The following KIN variants were observed in gnomAD, a reference collection of about 807,000 sequenced individuals.
KIN encodes the protein Kin17 DNA and RNA binding protein.
A neutral mutation model predicts 63.0 loss-of-function variants in KIN; 47 were observed. The ratio of observed to expected loss-of-function variants is 0.75; its 90% CI spans 0.59 to 0.95. KIN has a LOEUF of 0.95. KIN is among the 40% of genes least tolerant of loss of function. The pLI is 0.00. For missense variants in KIN, 408 were observed against 460.9 expected (o/e 0.89, Z 1.05); for synonymous variants, 160 against 157.7 (o/e 1.01, Z -0.11).
chr10:7,779,953 A>G, intron 4 of KIN, 103 bp downstream of exon 4: 2 of 1,265,816 alleles, frequency 1.6e-6, no homozygotes, highest in Non-Finnish European at 2.2e-6. Flanking sequence ...ATGAAAAAGC[A>G]AAACACTGAC....
At chr10:7,780,715 A>G (rs1022749931) in intron 2 of KIN, among the ~76,000 whole-genome samples, 2 of 152,180 alleles carry the variant, frequency 1.3e-5, no homozygotes, top group African/African-American at 4.8e-5. Context: ...GTATAGTTTT[A>G]ATGTCCAAAT....
intron 7 of KIN, among the ~76,000 whole-genome samples, chr10:7,771,991 G>C (rs1486379050): frequency 6.6e-6 from 1 of 151,764 alleles, no homozygotes; most frequent in African/African-American, 2.4e-5. Flanking sequence ...ATGATCAGAA[G>C]AGCCCAGCAA....
intron 2 of KIN, among the ~76,000 whole-genome samples, chr10:7,782,463 A>G (rs1323583866): frequency 2.6e-5 from 4 of 151,426 alleles, no homozygotes; most frequent in Non-Finnish European, 5.9e-5. Context: ...CAATGGTGCA[A>G]TCTCGGCTCA....
In KIN at chr10:7,769,205, A is replaced by G. The variant is rs554789079; in HGVS notation, c.798+11T>C. Reference sequence around the variant, plus strand: ...GTTCTAAGGTGTCCACACGCAATCCATAAACTGTACCTCCATGATTTCATC... The same window carrying G: ...GTTCTAAGGTGTCCACACGCAATCCGTAAACTGTACCTCCATGATTTCATC... On this transcript the variant is annotated intron_variant, in intron 8 of 12. Coordinates refer to ENST00000379562, the MANE Select transcript of KIN (RefSeq NM_012311.4). 1.9e-6 allele frequency: 3 copies of G among 1,605,700 alleles called. No individual in the cohort carries two copies. Among genetic ancestry groups the G allele is most frequent in the Admixed American group, 1.7e-5 (1 of 58,178 alleles).
chr10:7,769,226 T>C lies in KIN; in HGVS notation c.788A>G (p.Glu263Gly). The C allele has an allele frequency of 6.2e-7, 1 of 1,611,322 alleles. No homozygotes were observed. Among genetic ancestry groups the C allele is most frequent in the Non-Finnish European group, 8.5e-7 (1 of 1,179,334 alleles). Residue 263 changes from glutamate (E) to glycine (G), a missense_variant, in exon 8 of 13, where the codon GAA becomes GGA. Physicochemically the swap from Glu to Gly is moderately conservative, Grantham distance 98 (BLOSUM62 -2). Coordinates refer to ENST00000379562, the MANE Select transcript of KIN (RefSeq NM_012311.4). ...EKKKKKSALD[E>G]IMEIEEEKKR... ...ATCCATAAACTGTACCTCCATGATT[T>C]CATCCAGTGCAGATTTCTTTTTCTT...
intron 4 of KIN, 113 bp downstream of exon 4, chr10:7,779,943 A>G (rs1468689702): frequency 6.8e-6 from 7 of 1,024,770 alleles, no homozygotes; most frequent in Non-Finnish European, 7.2e-6. Context: ...AACTAACACG[A>G]TGAAAAAGCA....
At position 7,775,000 on chromosome 10, in the gene KIN, A is replaced by G; in HGVS notation, c.608-109T>C. The G allele has an allele frequency of 3.8e-6, 3 of 779,434 alleles. No individual in the cohort carries two copies. The South Asian group carries it at 4.6e-5, about 12-fold the overall frequency. The allele number at this position is 779,434 out of a possible 1,614,324, so 48.3% of individuals were successfully genotyped here. ...ACAGAGGAACTCCAGGACATTTTCAATAAACGAGAGCTAAAATGTTCCTAT... is the reference window on the plus strand; with the variant it reads ...ACAGAGGAACTCCAGGACATTTTCAGTAAACGAGAGCTAAAATGTTCCTAT... On this transcript the variant is annotated intron_variant, in intron 6 of 12. Coordinates refer to ENST00000379562, the MANE Select transcript of KIN (RefSeq NM_012311.4).
intron 2 of KIN, among the ~76,000 whole-genome samples, chr10:7,781,854 C>A (rs1305005799): frequency 2.0e-5 from 3 of 151,080 alleles, no homozygotes; most frequent in East Asian, 3.9e-4. Context: ...GTCAGGAGTT[C>A]AACACCAGCA....
intron 9 of KIN, among the ~76,000 whole-genome samples, chr10:7,765,159 CA>C (rs35343111): frequency 0.07 from 6,522 of 93,222 alleles, 465 homozygotes; most frequent in African/African-American, 0.24. Context: ...AACTCCATCT[CA>C]AAAAAAAAAA....
At chr10:7,784,268 A>G (rs1835954079) in intron 1 of KIN, among the ~76,000 whole-genome samples, 1 of 152,146 alleles carries the variant, frequency 6.6e-6, no homozygotes, top group Non-Finnish European at 1.5e-5. Flanking sequence ...TCCTTTCCCA[A>G]AAAAATTGCA....
intron 5 of KIN, among the ~76,000 whole-genome samples, chr10:7,778,265 C>T (rs1042431039): frequency 1.3e-5 from 2 of 152,130 alleles, no homozygotes; most frequent in African/African-American, 2.4e-5. Context: ...CATTAGGTAG[C>T]GTCTCTATTT....
At chr10:7,783,862 C>G (rs894906676) in intron 1 of KIN, among the ~76,000 whole-genome samples, 2 of 151,922 alleles carry the variant, frequency 1.3e-5, no homozygotes, top group South Asian at 2.1e-4. Flanking sequence ...CTCTTTCTAC[C>G]TCCAATTTAA....
At chr10:7,781,518 C>T (rs1030477961) in intron 2 of KIN, among the ~76,000 whole-genome samples, 4 of 150,290 alleles carry the variant, frequency 2.7e-5, no homozygotes, top group African/African-American at 9.8e-5. Context: ...TTTGGGAGAT[C>T]GAGAGAGGAG....
At chr10:7,758,904 C>T (rs1423311374) in intron 12 of KIN, among the ~76,000 whole-genome samples, 1 of 151,368 alleles carries the variant, frequency 6.6e-6, no homozygotes, top group Non-Finnish European at 1.5e-5. Flanking sequence ...CAAGTAACAG[C>T]TTCTAGGTTA....
rs1324957069 is a variant in KIN, at chr10:7,751,886, T to A, written c.*4194A>T. 2 of 1,808 alleles carry A rather than the reference T, an allele frequency of 1.1e-3. 1 individual carries two copies. The highest frequency in any genetic ancestry group is 2.1e-3 in the Non-Finnish European group (2 of 964). 0.1% of individuals were successfully genotyped at this position (1,808 alleles called of 1,614,324 possible). A position where few individuals can be genotyped will look rare whatever the true frequency, so the allele number is the denominator to read the frequency against. On this transcript the variant is annotated 3_prime_UTR_variant, in exon 13 of 13. Coordinates refer to ENST00000379562, the MANE Select transcript of KIN (RefSeq NM_012311.4). The stretch of plus-strand genomic sequence containing the variant: ...AACGATGTACTAAAAATACAAAAAA[T>A]TAGCCGGGCGCGGTGGCGGGCGCCT...
chr10:7,777,162 A>C (rs1360698312), intron 5 of KIN, among the ~76,000 whole-genome samples: 1 of 151,998 alleles, frequency 6.6e-6, no homozygotes, highest in Admixed American at 6.5e-5. Flanking sequence ...AAACTGCAGA[A>C]GTTTACCTAT....
chr10:7,767,784 G>T (rs1835580040), intron 8 of KIN, among the ~76,000 whole-genome samples: 2 of 151,494 alleles, frequency 1.3e-5, no homozygotes, highest in African/African-American at 2.4e-5. Flanking sequence ...ACTTGAACCT[G>T]GGAGGTAGAT....
intron 12 of KIN, among the ~76,000 whole-genome samples, chr10:7,756,940 G>A (rs2130981392): frequency 6.6e-6 from 1 of 152,156 alleles, no homozygotes; most frequent in East Asian, 1.9e-4. Flanking sequence ...ATATAACCTG[G>A]GAACACAGAG....
Position 7,753,661 on chromosome 10 carries a change from T to A in KIN, c.*2419A>T, listed in dbSNP as rs1461751576. Reference sequence around the variant, plus strand: ...ACATTGCAATTCAAGAACATTAACATTCTAATATTACAAAGCCAATGAACA... The same window carrying A: ...ACATTGCAATTCAAGAACATTAACAATCTAATATTACAAAGCCAATGAACA... On this transcript the variant is annotated 3_prime_UTR_variant, in exon 13 of 13. Coordinates refer to ENST00000379562, the MANE Select transcript of KIN (RefSeq NM_012311.4). 1 of 157,610 alleles carries A rather than the reference T, an allele frequency of 6.3e-6. No individual in the cohort carries two copies. The highest frequency in any genetic ancestry group is 2.4e-5 in the African/African-American group (1 of 41,520). The allele number at this position is 157,610 out of a possible 1,614,324, so 9.8% of individuals were successfully genotyped here. A position where few individuals can be genotyped will look rare whatever the true frequency, so the allele number is the denominator to read the frequency against.
Sources: gnomAD v4.1 joint callset for allele counts (sites outside exome capture counted in the v4.1 genomes callset) on GRCh38, gnomAD v4.1.1 for gene constraint, MANE v1.5 for transcripts, NCBI Gene and HGNC (gene_info 2026-07-23, HGNC 2026-07-21) for gene names.